The following IL16 variants were observed in gnomAD, a reference collection of about 807,000 sequenced individuals.
IL16 encodes the protein pro-interleukin-16.
A neutral mutation model predicts 110.1 loss-of-function variants in IL16; 67 were observed. The observed-to-expected ratio is 0.61, with a 90% CI of 0.50 to 0.75. The LOEUF (loss-of-function observed/expected upper bound fraction) is 0.75, where lower values mean the gene tolerates loss of function less well. Ranked by LOEUF, IL16 falls within the 30% of genes least tolerant of loss-of-function variation. The pLI, the probability that IL16 is intolerant of heterozygous loss-of-function variation, is 0.00. For missense variants in IL16, 1,545 were observed against 1,655.0 expected (o/e 0.93, Z 1.15); for synonymous variants, 689 against 662.9 (o/e 1.04, Z -0.61).
Position 81,266,038 on chromosome 15 carries a change from C to T in IL16, c.564+237C>T, listed in dbSNP as rs1395709955. ...TGCCAGGCACTTGCAACTGCTGCCA[C>T]GTGTGTGCTATTAAGAGCTAACATG... is the stretch of plus-strand genomic sequence containing the variant. On this transcript the variant is annotated intron_variant, in intron 4 of 18. Transcript: ENST00000683961. 2.0e-5 allele frequency among the ~76,000 whole-genome samples: 3 copies of T among 152,232 alleles called. No homozygotes were observed. The East Asian group carries it at 5.8e-4, about 29-fold the overall frequency.
intron 6 of IL16, among the ~76,000 whole-genome samples, chr15:81,274,009 G>T (rs892248951): frequency 6.7e-6 from 1 of 149,508 alleles, no homozygotes; most frequent in South Asian, 2.1e-4. Context: ...TTTCAACTCA[G>T]GAGGCAAAGT....
chr15:81,303,730 C>A lies in IL16; in HGVS notation c.3420+80C>A, dbSNP rs1366644849. 2 of 940,392 alleles carry A rather than the reference C, an allele frequency of 2.1e-6. No individual in the cohort carries two copies. The highest frequency in any genetic ancestry group is 3.5e-6 in the Non-Finnish European group (2 of 578,038). The allele number at this position is 940,392 out of a possible 1,614,324, so 58.3% of individuals were successfully genotyped here. A position where few individuals can be genotyped will look rare whatever the true frequency, so the allele number is the denominator to read the frequency against. ...GGGGGACACACTTGCCAGGAAGGGG[C>A]CCTGTGCTGGGGAAATGAAGAATGC... On this transcript the variant is annotated intron_variant, in intron 16 of 18. Transcript: ENST00000683961. The surrounding 1 kb of genome is among the most constrained non-coding windows in gnomAD (Gnocchi z 4.1).
intron 1 of IL16, among the ~76,000 whole-genome samples, chr15:81,222,391 T>A (rs1355203): frequency 0.35 from 52,605 of 149,038 alleles, 11,084 homozygotes; most frequent in East Asian, 0.7. Flanking sequence ...TTTTTTTTTT[T>A]AAGCAAAAAG....
intron 1 of IL16, among the ~76,000 whole-genome samples, chr15:81,187,612 C>T (rs903732838): frequency 2.6e-5 from 4 of 152,200 alleles, no homozygotes; most frequent in African/African-American, 9.7e-5. Flanking sequence ...AAAAAAATTA[C>T]CATCATGATC....
In IL16 at chr15:81,311,213, T is replaced by C. The variant is rs1020320335; in HGVS notation, c.*2415T>C. On this transcript the variant is annotated 3_prime_UTR_variant, in exon 19 of 19. Transcript: ENST00000683961. ...ACACTGCAGGCATCACAGCTAACAA[T>C]TGTGAAGTCGTCTTAACTCACCATA... 5 of 152,220 alleles carry C rather than the reference T, an allele frequency of 3.3e-5. No individual in the cohort carries two copies. The highest frequency in any genetic ancestry group is 1.9e-4 in the East Asian group (1 of 5,196). The allele number at this position is 152,220 out of a possible 1,614,324, so 9.4% of individuals were successfully genotyped here.
intron 2 of IL16, among the ~76,000 whole-genome samples, chr15:81,247,075 CCTTT>C (rs1567016903): frequency 2.5e-4 from 27 of 109,420 alleles, no homozygotes; most frequent in African/African-American, 9.0e-4. Context: ...CTTTTCTTTT[CCTTT>C]TTTTTTTTTT....
At position 81,290,434 on chromosome 15, in the gene IL16, G is replaced by A; in HGVS notation, c.1333-19G>A. The A allele has an allele frequency of 6.3e-7, 1 of 1,592,508 alleles. No individual in the cohort carries two copies. The highest frequency in any genetic ancestry group is 8.6e-7 in the Non-Finnish European group (1 of 1,164,364). On this transcript the variant is annotated intron_variant, in intron 10 of 18. Transcript: ENST00000683961. ...GGAGCTTCTACTGTTTGTTTGAGGA[G>A]ATGACTGATATTTTCTAGGTCTCTG...
Position 81,303,594 on chromosome 15 carries a change from G to A in IL16, c.3364G>A (p.Ala1122Thr), listed in dbSNP as rs758663263. The A allele has an allele frequency of 2.5e-6, 4 of 1,614,170 alleles. No individual in the cohort carries two copies. Among genetic ancestry groups the A allele is most frequent in the Non-Finnish European group, 3.4e-6 (4 of 1,179,960 alleles). ...HVTILHKEEGAGLGFSLAGGA... is the reference protein window; with the variant it reads ...HVTILHKEEGTGLGFSLAGGA... ...CACCATCTTACACAAGGAGGAAGGT[G>A]CTGGTCTTGGGTTCAGCTTGGCAGG... The change falls in exon 16 of 19, where the codon GCT becomes ACT. Residue 1122 changes from alanine to threonine, a missense_variant. Ala to Thr is a moderately conservative substitution (Grantham distance 58). Transcript: ENST00000683961. This position sits in a 1 kb window ranked among gnomAD's most constrained non-coding sequence, Gnocchi z 4.1.
intron 1 of IL16, among the ~76,000 whole-genome samples, chr15:81,200,199 T>C (rs1895760375): frequency 6.6e-6 from 1 of 151,898 alleles, no homozygotes; most frequent in Non-Finnish European, 1.5e-5. Context: ...TATTATACCG[T>C]AGTAAAGGTA....
At chr15:81,222,855 C>A (rs1896665058) in intron 1 of IL16, among the ~76,000 whole-genome samples, 1 of 151,900 alleles carries the variant, frequency 6.6e-6, no homozygotes, top group Admixed American at 6.6e-5. Context: ...GAAGTTTGGA[C>A]ATATTAATAT....
intron 1 of IL16, among the ~76,000 whole-genome samples, chr15:81,209,001 G>C (rs1445317914): frequency 6.6e-6 from 1 of 152,174 alleles, no homozygotes. Flanking sequence ...AAACAGAACA[G>C]TGCACATAGT....
intron 8 of IL16, among the ~76,000 whole-genome samples, chr15:81,280,513 A>G (rs1005435319): frequency 3.3e-5 from 5 of 152,216 alleles, no homozygotes; most frequent in Admixed American, 2.0e-4. Context: ...TTATGCTTCA[A>G]AAAATGTCTC....
At chr15:81,274,272 A>T (rs11634869) in intron 6 of IL16, among the ~76,000 whole-genome samples, 28,086 of 152,264 alleles carry the variant, frequency 0.18, 2,766 homozygotes, top group Middle Eastern at 0.29. Flanking sequence ...AAGAAAGGTT[A>T]TTACATTTCT....
At position 81,303,015 on chromosome 15, in the gene IL16, A is replaced by ATGTGTGTGTGTGTGTG. The variant is rs34522610; in HGVS notation, c.3319-520_3319-505dup. 1.3e-3 allele frequency among the ~76,000 whole-genome samples: 202 copies of ATGTGTGTGTGTGTGTG among 150,132 alleles called. 3 individuals carry two copies. The highest frequency in any genetic ancestry group is 4.2e-3 in the African/African-American group (171 of 40,670). ...GTCTAGGCTAGGAAGTACCGTAGTA[A>ATGTGTGTGTGTGTGTG]TGTGTGTGTGTGTGTGTGTGTGTGT... On this transcript the variant is annotated intron_variant, in intron 15 of 18. Coordinates refer to ENST00000683961, the MANE Select transcript of IL16 (RefSeq NM_172217.5). This position sits in a 1 kb window ranked among gnomAD's most constrained non-coding sequence, Gnocchi z 4.1.
chr15:81,253,108 C>T (rs1334225084), intron 2 of IL16, among the ~76,000 whole-genome samples: 1 of 152,146 alleles, frequency 6.6e-6, no homozygotes, highest in Non-Finnish European at 1.5e-5. Context: ...AAGAGCATTC[C>T]AATTTCTCAT....
At chr15:81,254,447 C>G (rs1897877095) in intron 2 of IL16, among the ~76,000 whole-genome samples, 1 of 152,044 alleles carries the variant, frequency 6.6e-6, no homozygotes, top group Non-Finnish European at 1.5e-5. Flanking sequence ...CTGTTTAGCC[C>G]TAGCAGTCAC....
intron 13 of IL16, among the ~76,000 whole-genome samples, chr15:81,297,640 G>A (rs910312300): frequency 1.4e-4 from 21 of 152,192 alleles, no homozygotes; most frequent in African/African-American, 5.1e-4. Flanking sequence ...TCTGTCATTA[G>A]TATGATTCTG....
At chr15:81,211,929 A>G (rs1023665179) in intron 1 of IL16, among the ~76,000 whole-genome samples, 2 of 152,176 alleles carry the variant, frequency 1.3e-5, no homozygotes, top group African/African-American at 2.4e-5. Context: ...TTTTACATCT[A>G]TGTTCATTAG....
rs1204660465 is a variant in IL16, at chr15:81,236,489, A to T, written c.312+10778A>T. ...GAGGGGCTGCCCACAGGTATGATTA[A>T]TCTTCACTTGCTGACTGTCTCCCCA... On this transcript the variant is annotated intron_variant, in intron 2 of 18. Transcript: ENST00000683961. 2.0e-5 allele frequency among the ~76,000 whole-genome samples: 3 copies of T among 152,172 alleles called. No individual in the cohort carries two copies. The East Asian group carries it at 5.8e-4, about 29-fold the overall frequency.
Sources: gnomAD v4.1 joint callset for allele counts (sites outside exome capture counted in the v4.1 genomes callset) on GRCh38, gnomAD v4.1.1 for gene constraint, Gnocchi (gnomAD v3.1) non-coding constraint, MANE v1.5 for transcripts, NCBI Gene and HGNC (gene_info 2026-07-23, HGNC 2026-07-21) for gene names.